XPA: variants seen among roughly 807,000 people sequenced by gnomAD.
XPA encodes the protein DNA repair protein complementing XP-A cells.
In XPA, 27 loss-of-function variants were observed where a neutral mutation model predicts 35.7. The observed-to-expected ratio is 0.76, with a 90% CI of 0.56 to 1.04. The LOEUF is 1.04. XPA is among the 50% of genes least tolerant of loss of function. XPA has a pLI of 0.00. For missense variants in XPA, 354 were observed against 342.7 expected (o/e 1.03, Z -0.26); for synonymous variants, 133 against 118.4 (o/e 1.12, Z -0.80).
At chr9:97,656,873 G>T in the XPA span, among the ~76,000 whole-genome samples, 3 of 152,158 alleles carry the variant, frequency 2.0e-5, no homozygotes, top group Admixed American at 2.0e-4. Flanking sequence ...ATTAGCTGTG[G>T]TACAATCCTA....
At chr9:97,679,833 G>C (rs907968681) in intron 5 of XPA, among the ~76,000 whole-genome samples, 5 of 152,152 alleles carry the variant, frequency 3.3e-5, no homozygotes, top group Admixed American at 2.0e-4. Flanking sequence ...TCCCTTAAAA[G>C]ACAGAGCTGG....
chr9:97,660,972 C>G, the XPA span: 35 of 1,612,078 alleles, frequency 2.2e-5, no homozygotes, highest in Admixed American at 8.3e-5. Flanking sequence ...TTCTGTTGCC[C>G]TCTGTTTAGC....
intron 1 of XPA, among the ~76,000 whole-genome samples, chr9:97,696,402 T>C (rs543606677): frequency 2.0e-5 from 3 of 152,310 alleles, no homozygotes; most frequent in Admixed American, 1.3e-4. Flanking sequence ...AGTCCTTAAT[T>C]TACTTCAATC....
intron 5 of XPA, among the ~76,000 whole-genome samples, chr9:97,679,393 A>AT (rs3176727): frequency 0.12 from 17,918 of 152,150 alleles, 2,993 homozygotes; most frequent in African/African-American, 0.36. Context: ...TAAGTTTGAA[A>AT]TATTTCCAAA....
the XPA span, chr9:97,669,862 T>C: frequency 1.1e-4 from 79 of 702,780 alleles, no homozygotes; most frequent in African/African-American, 1.2e-3. Context: ...CATCAGAATA[T>C]TTAGGCTTAA....
chr9:97,655,872 G>C, the XPA span: 28 of 1,319,680 alleles, frequency 2.1e-5, no homozygotes, highest in Non-Finnish European at 2.9e-5. Context: ...ACTATTTGTA[G>C]TTAAGTACAA....
chr9:97,658,338 A>G, the XPA span, among the ~76,000 whole-genome samples: 1 of 152,234 alleles, frequency 6.6e-6, no homozygotes, highest in Non-Finnish European at 1.5e-5. Context: ...TTGATAGAAT[A>G]TAGCCAGTTT....
intron 5 of XPA, among the ~76,000 whole-genome samples, chr9:97,679,728 G>C (rs1463124478): frequency 6.6e-6 from 1 of 152,160 alleles, no homozygotes; most frequent in Non-Finnish European, 1.5e-5. Flanking sequence ...TATTCACATA[G>C]TATTAGATTT....
At chr9:97,668,685 C>A in the XPA span, among the ~76,000 whole-genome samples, 7 of 150,898 alleles carry the variant, frequency 4.6e-5, no homozygotes, top group South Asian at 1.5e-3. Flanking sequence ...CACAACAGGA[C>A]TTTGAGGTAT....
the XPA span, among the ~76,000 whole-genome samples, chr9:97,663,375 T>G: frequency 6.6e-6 from 1 of 152,232 alleles, no homozygotes; most frequent in Non-Finnish European, 1.5e-5. Flanking sequence ...AAGAAACATT[T>G]AAATAAATTT....
downstream of XPA, among the ~76,000 whole-genome samples, chr9:97,670,549 T>C (rs1828158172): frequency 6.6e-6 from 1 of 152,236 alleles, no homozygotes; most frequent in South Asian, 2.1e-4. Context: ...AGTTCAATTC[T>C]TTGAGCCTCC....
chr9:97,690,844 C>T (rs1347988975), intron 2 of XPA, among the ~76,000 whole-genome samples: 1 of 152,172 alleles, frequency 6.6e-6, no homozygotes, highest in Non-Finnish European at 1.5e-5. Context: ...TTTAAGGAAA[C>T]CTGTGTGCTT....
downstream of XPA, among the ~76,000 whole-genome samples, chr9:97,670,381 GTC>G (rs1367244254): frequency 6.6e-6 from 1 of 152,154 alleles, no homozygotes; most frequent in Non-Finnish European, 1.5e-5. Context: ...GCTCCCTGGG[GTC>G]TCTCTGCAAA....
chr9:97,686,920 A>G (rs942547939), intron 4 of XPA, among the ~76,000 whole-genome samples, 176 bp downstream of exon 4: 2 of 152,234 alleles, frequency 1.3e-5, no homozygotes, highest in African/African-American at 4.8e-5. Flanking sequence ...AAGAAAAGAA[A>G]AAAGCAAAAT....
Position 97,675,149 on chromosome 9 carries a change from A to C in XPA, c.*290T>G, listed in dbSNP as rs1027571838. On this transcript the variant is annotated 3_prime_UTR_variant, in exon 6 of 6. Coordinates refer to ENST00000375128, the MANE Select transcript of XPA (RefSeq NM_000380.4). ...GGTTTGCCTTGGTATCTTGTCCTCA[A>C]ATTTGTAGCTGACCTACCACTTCTG... 1 of 571,142 alleles carries C rather than the reference A, an allele frequency of 1.8e-6. No homozygotes were observed. The highest frequency in any genetic ancestry group is 1.8e-5 in the African/African-American group (1 of 55,008). The allele number at this position is 571,142 out of a possible 1,614,324, so 35.4% of individuals were successfully genotyped here.
At chr9:97,665,211 G>T in the XPA span, among the ~76,000 whole-genome samples, 1 of 152,264 alleles carries the variant, frequency 6.6e-6, no homozygotes, top group African/African-American at 2.4e-5. Flanking sequence ...ATCTAAGGTT[G>T]TCATACCGGC....
chr9:97,692,093 G>A (rs1373521930), intron 2 of XPA, among the ~76,000 whole-genome samples: 5 of 151,696 alleles, frequency 3.3e-5, no homozygotes, highest in African/African-American at 1.2e-4. Flanking sequence ...GGGTGCTCAA[G>A]ACCAGCTGAC....
At chr9:97,655,642 C>A in the XPA span, 1 of 1,396,988 alleles carries the variant, frequency 7.2e-7, no homozygotes, top group Non-Finnish European at 9.9e-7. Context: ...ATATAAGTTT[C>A]TGTTCTAAAT....
At chr9:97,656,017 T>C in the XPA span, 2 of 1,613,600 alleles carry the variant, frequency 1.2e-6, no homozygotes, top group African/African-American at 2.7e-5. Flanking sequence ...TTAGGTCAGA[T>C]TGTCTTAGTC....
Sources: allele counts gnomAD v4.1 joint callset (sites outside exome capture counted in the v4.1 genomes callset), GRCh38; gene constraint gnomAD v4.1.1; transcripts MANE v1.5; gene names NCBI Gene and HGNC (gene_info 2026-07-23, HGNC 2026-07-21).